ELAPOR2: variants seen among roughly 807,000 people sequenced by gnomAD.
ELAPOR2 encodes the protein endosome-lysosome associated apoptosis and autophagy regulator family member 2.
ELAPOR2 carries 89 observed loss-of-function variants against 120.7 expected under a neutral mutation model. The ratio of observed to expected loss-of-function variants is 0.74; its 90% CI spans 0.62 to 0.88. The LOEUF (loss-of-function observed/expected upper bound fraction) is 0.88, where lower values mean the gene tolerates loss of function less well. Among genes scored for constraint, ELAPOR2 ranks in the 40% least tolerant of loss-of-function variants. The probability of loss-of-function intolerance (pLI) is 0.00; values close to 1 mark genes in which losing one functional copy is unlikely to be tolerated. For missense variants in ELAPOR2, 1,134 were observed against 1,251.6 expected (o/e 0.91, Z 1.42); for synonymous variants, 444 against 444.9 (o/e 1.00, Z 0.03).
intron 21 of ELAPOR2, among the ~76,000 whole-genome samples, chr7:86,886,708 T>C (rs150986528): frequency 4.2e-4 from 64 of 152,280 alleles, no homozygotes; most frequent in Middle Eastern, 3.4e-3. Context: ...AGAATGCAGT[T>C]GGTCTTGCCC....
At chr7:87,047,533 T>C (rs1345893867) in intron 1 of ELAPOR2, among the ~76,000 whole-genome samples, 1 of 152,226 alleles carries the variant, frequency 6.6e-6, no homozygotes, top group Non-Finnish European at 1.5e-5. Flanking sequence ...TCAATAGATA[T>C]TTCTCAAAAG....
chr7:87,053,473 A>G (rs1795175900), intron 1 of ELAPOR2, among the ~76,000 whole-genome samples: 1 of 152,170 alleles, frequency 6.6e-6, no homozygotes, highest in African/African-American at 2.4e-5. Context: ...TATGAACTAG[A>G]AAAAGGTATC....
intron 1 of ELAPOR2, among the ~76,000 whole-genome samples, chr7:86,967,681 G>A (rs1356884061): frequency 3.9e-5 from 6 of 152,144 alleles, no homozygotes; most frequent in Admixed American, 3.9e-4. Context: ...GTTATGAGAT[G>A]AGAACAGCAA....
intron 21 of ELAPOR2, among the ~76,000 whole-genome samples, chr7:86,881,968 T>C (rs1328218769): frequency 6.6e-6 from 1 of 152,168 alleles, no homozygotes; most frequent in African/African-American, 2.4e-5. Context: ...TTCATTGGGG[T>C]GGATAAATCC....
At chr7:86,935,683 T>G (rs1790533912) in intron 8 of ELAPOR2, among the ~76,000 whole-genome samples, 1 of 151,860 alleles carries the variant, frequency 6.6e-6, no homozygotes, top group South Asian at 2.1e-4. Context: ...GTGAGACTGA[T>G]GAACACTAAT....
At chr7:86,936,107 C>T (rs1281868200) in intron 8 of ELAPOR2, among the ~76,000 whole-genome samples, 10 of 151,962 alleles carry the variant, frequency 6.6e-5, no homozygotes, top group Admixed American at 6.6e-4. Context: ...GAGAACATAA[C>T]AGGACAGAGA....
At chr7:86,923,112 G>A (rs1361388112) in intron 10 of ELAPOR2, among the ~76,000 whole-genome samples, 3 of 151,464 alleles carry the variant, frequency 2.0e-5, no homozygotes, top group Non-Finnish European at 4.4e-5. Context: ...ATTTAGCATG[G>A]TCTTCTGATT....
intron 1 of ELAPOR2, among the ~76,000 whole-genome samples, chr7:87,040,621 C>T (rs1050959410): frequency 6.6e-6 from 1 of 152,152 alleles, no homozygotes; most frequent in African/African-American, 2.4e-5. Context: ...TGTACATCAC[C>T]ATCATCAAAG....
intron 1 of ELAPOR2, among the ~76,000 whole-genome samples, chr7:87,032,643 G>T (rs1794456448): frequency 6.6e-6 from 1 of 152,104 alleles, no homozygotes; most frequent in South Asian, 2.1e-4. Flanking sequence ...AAATGCCCTA[G>T]GTCCAGTACC....
At chr7:87,027,921 G>C (rs1794297620) in intron 1 of ELAPOR2, among the ~76,000 whole-genome samples, 1 of 152,090 alleles carries the variant, frequency 6.6e-6, no homozygotes, top group Admixed American at 6.6e-5. Context: ...TAAAGAAAAT[G>C]GATGAGCTTG....
At chr7:86,914,913 T>C in intron 12 of ELAPOR2, 53 bp from the exon 13 acceptor site, 1 of 1,320,448 alleles carries the variant, frequency 7.6e-7, no homozygotes, top group Non-Finnish European at 1.1e-6. Flanking sequence ...TCAACATTAA[T>C]ATACCTGTGT....
chr7:87,037,616 A>C (rs775681236), intron 1 of ELAPOR2, among the ~76,000 whole-genome samples: 2 of 152,122 alleles, frequency 1.3e-5, no homozygotes, highest in Non-Finnish European at 2.9e-5. Flanking sequence ...CCTGCGTCCA[A>C]TGTGATTTCC....
At chr7:86,945,782 T>C (rs891658003) in intron 3 of ELAPOR2, among the ~76,000 whole-genome samples, 3 of 152,122 alleles carry the variant, frequency 2.0e-5, no homozygotes, top group African/African-American at 7.2e-5. Context: ...TCCTAACATA[T>C]GACCACAGCA....
chr7:87,016,506 G>C (rs1252280895), intron 1 of ELAPOR2, among the ~76,000 whole-genome samples: 1 of 151,820 alleles, frequency 6.6e-6, no homozygotes, highest in Admixed American at 6.6e-5. Context: ...GCAGCAGTAA[G>C]AGGATGGGTA....
chr7:86,897,433 TGA>T, intron 19 of ELAPOR2, 71 bp downstream of exon 19: 1 of 1,531,352 alleles, frequency 6.5e-7, no homozygotes, highest in South Asian at 1.2e-5. Flanking sequence ...CTTCTGGACC[TGA>T]GTTTCTATGA....
intron 2 of ELAPOR2, 84 bp downstream of exon 2, chr7:86,964,820 A>T: frequency 6.9e-7 from 1 of 1,448,540 alleles, no homozygotes; most frequent in Non-Finnish European, 9.4e-7. Context: ...GGTCTCCTAC[A>T]TTCATTATAA....
intron 4 of ELAPOR2, among the ~76,000 whole-genome samples, chr7:86,944,453 T>C (rs934301586): frequency 3.9e-5 from 6 of 152,092 alleles, no homozygotes; most frequent in Non-Finnish European, 7.4e-5. Context: ...TAAATACACT[T>C]AAATAATTTT....
intron 8 of ELAPOR2, among the ~76,000 whole-genome samples, chr7:86,927,539 C>A (rs557197301): frequency 1.3e-5 from 2 of 151,990 alleles, no homozygotes; most frequent in African/African-American, 4.8e-5. Context: ...ATTAAGACAA[C>A]CTCTGCCTTC....
rs927463689 is a variant in ELAPOR2, at chr7:86,880,328, A to G, written c.*143T>C. ...ATGTGATAAGGCAATCAAATGTTTC[A>G]ATCTCCTTCCCTTTTCAGCGGCATG... On this transcript the variant is annotated 3_prime_UTR_variant, in exon 22 of 22. Coordinates refer to ENST00000450689, the MANE Select transcript of ELAPOR2 (RefSeq NM_001142749.3). 1.3e-5 allele frequency: 9 copies of G among 687,506 alleles called. No individual in the cohort carries two copies. Among genetic ancestry groups the G allele is most frequent in the African/African-American group, 7.2e-5 (4 of 55,184 alleles). The allele number at this position is 687,506 out of a possible 1,614,324, so 42.6% of individuals were successfully genotyped here. A position where few individuals can be genotyped will look rare whatever the true frequency, so the allele number is the denominator to read the frequency against.
Sources: gnomAD v4.1 joint callset for allele counts (sites outside exome capture counted in the v4.1 genomes callset) on GRCh38, gnomAD v4.1.1 for gene constraint, MANE v1.5 for transcripts, NCBI Gene and HGNC (gene_info 2026-07-23, HGNC 2026-07-21) for gene names.